The following SLX4IP variants were observed in gnomAD, a reference collection of about 807,000 sequenced individuals.
SLX4IP encodes the protein protein SLX4IP.
Under a neutral mutation model 32.9 loss-of-function variants are expected in SLX4IP, and 34 were observed. That is an observed-to-expected ratio of 1.03 (90% CI 0.79 to 1.38). SLX4IP has a LOEUF of 1.38. Among genes scored for constraint, SLX4IP ranks in the 40% most tolerant of loss-of-function variants. SLX4IP has a pLI of 0.00. For synonymous variants in SLX4IP, 172 were observed against 171.7 expected, an observed-to-expected ratio of 1.00 and a Z score of -0.01; for missense variants, 444 against 479.0, an observed-to-expected ratio of 0.93 and a Z score of 0.68.
chr20:10,515,078 G>GTT (rs1568718042), intron 2 of SLX4IP, among the ~76,000 whole-genome samples: 1 of 113,472 alleles, frequency 8.8e-6, no homozygotes. Context: ...GTAAGTTGAA[G>GTT]CTTTTTTTTT....
intron 2 of SLX4IP, among the ~76,000 whole-genome samples, chr20:10,553,198 A>T (rs1027716198): frequency 6.6e-6 from 1 of 152,202 alleles, no homozygotes; most frequent in Non-Finnish European, 1.5e-5. Context: ...ACCATTAGAA[A>T]TTATAGCTCT....
intron 2 of SLX4IP, among the ~76,000 whole-genome samples, chr20:10,503,636 A>G (rs2065736814): frequency 6.6e-6 from 1 of 152,232 alleles, no homozygotes. Context: ...TGTAACAAAC[A>G]ACCACAAACT....
Position 10,566,982 on chromosome 20 carries a change from C to CTG in SLX4IP, c.238+6163_238+6164dup, listed in dbSNP as rs376171823. On this transcript the variant is annotated intron_variant, in intron 4 of 7. Transcript: ENST00000334534. ...GTCAAATGTCATCTACCCACCATCACTGGCCTATCTCCCTATGAAATGAGA... is the reference window on the plus strand; with the variant it reads ...GTCAAATGTCATCTACCCACCATCACTGTGGCCTATCTCCCTATGAAATGAGA... 1.3e-3 allele frequency among the ~76,000 whole-genome samples: 199 copies of CTG among 152,330 alleles called. 1 individual carries two copies. Among genetic ancestry groups the CTG allele is most frequent in the African/African-American group, 4.3e-3 (180 of 41,578 alleles).
chr20:10,498,308 G>A (rs1479475689), intron 2 of SLX4IP, among the ~76,000 whole-genome samples: 1 of 151,908 alleles, frequency 6.6e-6, no homozygotes, highest in Non-Finnish European at 1.5e-5. Flanking sequence ...CAGTGCCCTA[G>A]GTCAATCTGT....
intron 2 of SLX4IP, among the ~76,000 whole-genome samples, chr20:10,483,231 T>TGCCTCA (rs2065540530): frequency 6.6e-6 from 1 of 152,198 alleles, no homozygotes; most frequent in Admixed American, 6.5e-5. Context: ...ACAATTCTCG[T>TGCCTCA]GCCTCAGCCT....
Position 10,561,030 on chromosome 20 carries a change from A to G in SLX4IP, c.238+210A>G, listed in dbSNP as rs530274582. Among the ~76,000 whole-genome samples, 12 of 152,340 alleles carry G rather than the reference A, an allele frequency of 7.9e-5. No individual in the cohort carries two copies. The South Asian group carries it at 2.5e-3, about 32-fold the overall frequency. ...TAGGCAAAATGTATAAAAATAGCAA[A>G]TAAAACATTCCTAAGGAAACTGTAA... On this transcript the variant is annotated intron_variant, in intron 4 of 7. Coordinates refer to ENST00000334534, the MANE Select transcript of SLX4IP (RefSeq NM_001009608.3).
chr20:10,494,397 T>C (rs1430685954), intron 2 of SLX4IP, among the ~76,000 whole-genome samples: 1 of 150,520 alleles, frequency 6.6e-6, no homozygotes, highest in Admixed American at 6.6e-5. Flanking sequence ...TATATTATTA[T>C]AAGTTTCTTT....
intron 2 of SLX4IP, among the ~76,000 whole-genome samples, chr20:10,552,113 C>CTCTG (rs1263806464): frequency 2.6e-5 from 4 of 152,182 alleles, no homozygotes; most frequent in Non-Finnish European, 5.9e-5. Flanking sequence ...TGGCTGAATC[C>CTCTG]TCTGGGTGGA....
intron 6 of SLX4IP, among the ~76,000 whole-genome samples, chr20:10,606,860 T>A (rs2066912088): frequency 1.3e-5 from 2 of 152,184 alleles, no homozygotes; most frequent in South Asian, 4.1e-4. Flanking sequence ...GATTTTGTAT[T>A]TGACAAACTC....
At chr20:10,616,101 C>T (rs2067025118) in intron 6 of SLX4IP, among the ~76,000 whole-genome samples, 1 of 152,120 alleles carries the variant, frequency 6.6e-6, no homozygotes, top group African/African-American at 2.4e-5. Flanking sequence ...TGGTAAAGGC[C>T]AACTTCCTTC....
At chr20:10,477,458 G>A (rs1294836229) in intron 2 of SLX4IP, among the ~76,000 whole-genome samples, 1 of 152,114 alleles carries the variant, frequency 6.6e-6, no homozygotes, top group African/African-American at 2.4e-5. Context: ...GTAGAAATGG[G>A]GTTTAACCAT....
intron 6 of SLX4IP, 93 bp downstream of exon 6, chr20:10,601,912 T>A: frequency 9.0e-7 from 1 of 1,107,136 alleles, no homozygotes; most frequent in Non-Finnish European, 1.3e-6. Context: ...CTGTTGTCAT[T>A]CAGCTGATGA....
At chr20:10,619,255 A>G (rs1385311514) in intron 6 of SLX4IP, among the ~76,000 whole-genome samples, 1 of 63,448 alleles carries the variant, frequency 1.6e-5, no homozygotes, top group Admixed American at 2.0e-4. Context: ...CACAGATTTT[A>G]CACTTTTTGA....
At chr20:10,544,344 C>T (rs1294262923) in intron 2 of SLX4IP, among the ~76,000 whole-genome samples, 1 of 152,156 alleles carries the variant, frequency 6.6e-6, no homozygotes, top group Admixed American at 6.5e-5. Flanking sequence ...ACTGTTTTAT[C>T]TGTAGCTCTC....
chr20:10,608,676 A>G (rs1410568553), intron 6 of SLX4IP, among the ~76,000 whole-genome samples: 1 of 150,266 alleles, frequency 6.7e-6, no homozygotes, highest in Non-Finnish European at 1.5e-5. Flanking sequence ...TCTGTCTCAA[A>G]AAAAAAAAAA....
chr20:10,478,381 C>T (rs2065492355), intron 2 of SLX4IP, among the ~76,000 whole-genome samples: 1 of 152,150 alleles, frequency 6.6e-6, no homozygotes, highest in Non-Finnish European at 1.5e-5. Flanking sequence ...ACAGATGTGA[C>T]AGGCAGTGAG....
At chr20:10,440,478 A>C (rs2065152366) in intron 1 of SLX4IP, among the ~76,000 whole-genome samples, 1 of 151,480 alleles carries the variant, frequency 6.6e-6, no homozygotes, top group African/African-American at 2.4e-5. Flanking sequence ...AAACTAAAAA[A>C]TAAATAAATA....
At chr20:10,590,842 A>T (rs1345398430) in intron 4 of SLX4IP, among the ~76,000 whole-genome samples, 1 of 152,222 alleles carries the variant, frequency 6.6e-6, no homozygotes, top group Non-Finnish European at 1.5e-5. Context: ...TGCCGAAGAC[A>T]CACAAAAAAG....
chr20:10,482,936 A>G (rs1376049591), intron 2 of SLX4IP, among the ~76,000 whole-genome samples: 4 of 152,198 alleles, frequency 2.6e-5, no homozygotes, highest in Non-Finnish European at 5.9e-5. Flanking sequence ...AGTTAGAGGC[A>G]TTAATAAGAA....
Sources: allele counts gnomAD v4.1 joint callset (sites outside exome capture counted in the v4.1 genomes callset), GRCh38; gene constraint gnomAD v4.1.1; transcripts MANE v1.5; gene names NCBI Gene and HGNC (gene_info 2026-07-23, HGNC 2026-07-21).